FOXL1: variants seen among roughly 807,000 people sequenced by gnomAD.
FOXL1 encodes the protein forkhead box protein L1.
A neutral mutation model predicts 1.7 loss-of-function variants in FOXL1; 2 were observed. The ratio of observed to expected loss-of-function variants is 1.21; its 90% CI spans 0.49 to 3.80. FOXL1 has a LOEUF of 3.80. FOXL1 is among the 30% of genes most tolerant of loss of function. FOXL1 has a pLI of 0.07. For synonymous variants in FOXL1, 280 were observed against 229.3 expected, an observed-to-expected ratio of 1.22 and a Z score of -2.00; for missense variants, 565 against 495.8, an observed-to-expected ratio of 1.14 and a Z score of -1.32.
chr16:86,579,761 A>G lies in FOXL1; in HGVS notation c.1038A>G (p.Ter346=). ...CCGACACGGTACTCCACTTCCAGTA[A>G]AGCAAACAATGGCACGGTTCTTCTC... ...QVPDTVLHFQ[*] is the part of the protein sequence containing the mutation. Residue 346 remains the stop codon, a stop_retained_variant, in exon 1 of 1, where the codon TAA becomes TAG. Coordinates refer to ENST00000320241, the MANE Select transcript of FOXL1 (RefSeq NM_005250.3). 1 of 1,611,546 alleles carries G rather than the reference A, an allele frequency of 6.2e-7. No homozygotes were observed. The highest frequency in any genetic ancestry group is 8.5e-7 in the Non-Finnish European group (1 of 1,178,462).
chr16:86,579,397 C>T lies in FOXL1; in HGVS notation c.674C>T (p.Ala225Val), dbSNP rs1458133766. ...GACGCTGGTGACGCTGCCCAGGGCG[C>T]AGCGGCCGTGGCGGTCGGCCAGGCA... is the stretch of plus-strand genomic sequence containing the variant. The part of the protein sequence containing the change: ...NEDAGDAAQG[A>V]AAVAVGQAAR... Residue 225 changes from alanine (A) to valine (V), a missense_variant, in exon 1 of 1, where the codon GCA (alanine) becomes GTA (valine). By Grantham distance (64) the Ala-to-Val change is moderately conservative (BLOSUM62 0). Coordinates refer to ENST00000320241, the MANE Select transcript of FOXL1 (RefSeq NM_005250.3). The T allele has an allele frequency of 3.3e-6, 5 of 1,524,334 alleles. No homozygotes were observed. Among genetic ancestry groups the T allele is most frequent in the African/African-American group, 2.8e-5 (2 of 72,076 alleles). The allele number at this position is 1,524,334 out of a possible 1,614,324, so 94.4% of individuals were successfully genotyped here.
Position 86,579,365 on chromosome 16 carries a change from G to T in FOXL1, c.642G>T (p.Pro214=), listed in dbSNP as rs1375747479. 6.7e-7 allele frequency: 1 copy of T among 1,490,868 alleles called. No individual in the cohort carries two copies. The allele number at this position is 1,490,868 out of a possible 1,614,324, so 92.4% of individuals were successfully genotyped here. ...APLHWPGTAS[P]NEDAGDAAQG... is the part of the protein sequence containing the mutation. ...TCCACTGGCCGGGGACCGCGTCCCC[G>T]AACGAGGACGCTGGTGACGCTGCCC... Residue 214 remains proline (P), a synonymous_variant, in exon 1 of 1, where the codon CCG becomes CCT. Coordinates refer to ENST00000320241, the MANE Select transcript of FOXL1 (RefSeq NM_005250.3).
chr16:86,578,717 G>A lies in FOXL1; in HGVS notation c.-7G>A, dbSNP rs1974369779. On this transcript the variant is annotated 5_prime_UTR_variant, in exon 1 of 1. Coordinates refer to ENST00000320241, the MANE Select transcript of FOXL1 (RefSeq NM_005250.3). ...TGCGGGGAGCGCAGCGCAGGCTCTC[G>A]CTTGCCATGAGTCACCTCTTCGATC... 2.5e-6 allele frequency: 4 copies of A among 1,595,054 alleles called. No individual in the cohort carries two copies. The highest frequency in any genetic ancestry group is 3.4e-6 in the Non-Finnish European group (4 of 1,167,698).
In FOXL1 at chr16:86,579,764, C is replaced by A. The variant is rs1248464377; in HGVS notation, c.*3C>A. 7 of 1,610,338 alleles carry A rather than the reference C, an allele frequency of 4.3e-6. No homozygotes were observed. The highest frequency in any genetic ancestry group is 5.9e-6 in the Non-Finnish European group (7 of 1,177,512). On this transcript the variant is annotated 3_prime_UTR_variant, in exon 1 of 1. Transcript: ENST00000320241. ...ACACGGTACTCCACTTCCAGTAAAGCAAACAATGGCACGGTTCTTCTCCCG... is the reference window on the plus strand; with the variant it reads ...ACACGGTACTCCACTTCCAGTAAAGAAAACAATGGCACGGTTCTTCTCCCG...
rs1597407169 is a variant in FOXL1 at position 86,581,612 on chromosome 16, A to G, written c.*1851A>G. 1 of 167,230 alleles carries G rather than the reference A, an allele frequency of 6.0e-6. No individual in the cohort carries two copies. 10.4% of individuals were successfully genotyped at this position (167,230 alleles called of 1,614,324 possible). A position where few individuals can be genotyped will look rare whatever the true frequency, so the allele number is the denominator to read the frequency against. Reference sequence around the variant, plus strand: ...TCCAGGCTCACTGTGATTCACTGAAAATGTAGCGAAAGGGCTGTCACTGGA... The same window carrying G: ...TCCAGGCTCACTGTGATTCACTGAAGATGTAGCGAAAGGGCTGTCACTGGA... On this transcript the variant is annotated 3_prime_UTR_variant, in exon 1 of 1. Transcript: ENST00000320241.
Position 86,582,339 on chromosome 16 carries a change from T to C in FOXL1, c.*2578T>C, listed in dbSNP as rs2144037163. Among the ~76,000 whole-genome samples, 1 of 152,328 alleles carries C rather than the reference T, an allele frequency of 6.6e-6. No individual in the cohort carries two copies. Among genetic ancestry groups the C allele is most frequent in the East Asian group, 1.9e-4 (1 of 5,184 alleles). ...TCGTTGGCTCAAAATTATGGCTCAA[T>C]AAGGTCAATAGTTTCTGCTCTTAAT... On this transcript the variant is annotated 3_prime_UTR_variant, in exon 1 of 1. Transcript: ENST00000320241.
chr16:86,582,068 G>C lies in FOXL1; in HGVS notation c.*2307G>C, dbSNP rs1285999366. ...TAAAGTTACTATTCCAAAAAGTATTGTACGAATGTTACTTTTATGACACAG... is the reference window on the plus strand; with the variant it reads ...TAAAGTTACTATTCCAAAAAGTATTCTACGAATGTTACTTTTATGACACAG... On this transcript the variant is annotated 3_prime_UTR_variant, in exon 1 of 1. Transcript: ENST00000320241. 1.3e-5 allele frequency: 2 copies of C among 152,102 alleles called. No homozygotes were observed. The highest frequency in any genetic ancestry group is 2.4e-5 in the African/African-American group (1 of 41,380). The allele number at this position is 152,102 out of a possible 1,614,324, so 9.4% of individuals were successfully genotyped here.
At position 86,579,715 on chromosome 16, in the gene FOXL1, C is replaced by G. The variant is rs752797610; in HGVS notation, c.992C>G (p.Ser331Cys). The G allele has an allele frequency of 1.2e-6, 2 of 1,613,828 alleles. No homozygotes were observed. The highest frequency in any genetic ancestry group is 1.7e-5 in the Admixed American group (1 of 60,028). Reference protein sequence around the residue: ...GFYQLGIPFLSYFPLQVPDTV... With the variant: ...GFYQLGIPFLCYFPLQVPDTV... ...TACCAGCTCGGGATCCCCTTCCTCTCTTATTTCCCCCTGCAGGTTCCCGAC... is the reference window on the plus strand; with the variant it reads ...TACCAGCTCGGGATCCCCTTCCTCTGTTATTTCCCCCTGCAGGTTCCCGAC... Residue 331 changes from serine to cysteine, a missense_variant, in exon 1 of 1, where the codon TCT (serine) becomes TGT (cysteine). Coordinates refer to ENST00000320241, the MANE Select transcript of FOXL1 (RefSeq NM_005250.3).
chr16:86,578,792 C>G lies in FOXL1; in HGVS notation c.69C>G (p.Pro23=). The G allele has an allele frequency of 3.7e-6, 6 of 1,613,360 alleles. No individual in the cohort carries two copies. The highest frequency in any genetic ancestry group is 5.1e-6 in the Non-Finnish European group (6 of 1,179,898). ...CGCCCATGCTGTATCTGTACGGTCCCGAGAGACCCGGCCTCCCTCTGGCCT... is the reference window on the plus strand; with the variant it reads ...CGCCCATGCTGTATCTGTACGGTCCGGAGAGACCCGGCCTCCCTCTGGCCT... ...AASPMLYLYG[P]ERPGLPLAFA... Residue 23 remains proline, a synonymous_variant, in exon 1 of 1, where the codon CCC becomes CCG. Transcript: ENST00000320241.
rs756015839 is a variant in FOXL1, at chr16:86,578,825, C to T, written c.102C>T (p.Pro34=). The change falls in exon 1 of 1, where the codon CCC becomes CCT. Residue 34 remains proline, a synonymous_variant. Transcript: ENST00000320241. ...ERPGLPLAFA[P]AAALAASGRA... ...CCGGCCTCCCTCTGGCCTTCGCCCCCGCGGCTGCTCTAGCTGCCTCGGGCC... is the reference window on the plus strand; with the variant it reads ...CCGGCCTCCCTCTGGCCTTCGCCCCTGCGGCTGCTCTAGCTGCCTCGGGCC... 3.1e-6 allele frequency: 5 copies of T among 1,613,682 alleles called. No individual in the cohort carries two copies. Among genetic ancestry groups the T allele is most frequent in the East Asian group, 2.2e-5 (1 of 44,868 alleles).
At position 86,579,277 on chromosome 16, in the gene FOXL1, G is replaced by A; in HGVS notation, c.554G>A (p.Arg185His). Residue 185 changes from arginine (R) to histidine (H), a missense_variant, in exon 1 of 1, where the codon CGC (arginine) becomes CAC (histidine). Arg to His is a conservative substitution (Grantham distance 29, BLOSUM62 0). Coordinates refer to ENST00000320241, the MANE Select transcript of FOXL1 (RefSeq NM_005250.3). The stretch of plus-strand genomic sequence containing the variant: ...GGGGGCTCGGGCCCCGCAATCTCCC[G>A]CCTGCAGGCAGCGCCCGCGGGCCCC... ...GAGGSGPAISRLQAAPAGPSP... is the reference protein window; with the variant it reads ...GAGGSGPAISHLQAAPAGPSP... 1.3e-6 allele frequency: 1 copy of A among 744,662 alleles called. No individual in the cohort carries two copies. The highest frequency in any genetic ancestry group is 1.8e-6 in the Non-Finnish European group (1 of 543,444). The allele number at this position is 744,662 out of a possible 1,614,324, so 46.1% of individuals were successfully genotyped here. A position where few individuals can be genotyped will look rare whatever the true frequency, so the allele number is the denominator to read the frequency against.
In FOXL1 at chr16:86,579,935, G is replaced by A. The variant is rs971761350; in HGVS notation, c.*174G>A. ...GTGGGCGCGCTCGCCTGCCTTCTCC[G>A]AAGCAAACTTTTCCCAGCAACTGGG... is the stretch of plus-strand genomic sequence containing the variant. On this transcript the variant is annotated 3_prime_UTR_variant, in exon 1 of 1. Coordinates refer to ENST00000320241, the MANE Select transcript of FOXL1 (RefSeq NM_005250.3). The A allele has an allele frequency of 7.6e-6, 5 of 659,870 alleles. No individual in the cohort carries two copies. The highest frequency in any genetic ancestry group is 5.5e-5 in the African/African-American group (3 of 54,710). The allele number at this position is 659,870 out of a possible 1,614,324, so 40.9% of individuals were successfully genotyped here.
Position 86,579,200 on chromosome 16 carries a change from C to G in FOXL1, c.477C>G (p.Ala159=). ...CCCCGGAGGCCAAGAGGCCCCGCGC[C>G]GAGACGCACCAGCGCAGCGCGGAGG... ...PGAPEAKRPR[A]ETHQRSAEAQ... is the part of the protein sequence containing the mutation. Residue 159 remains alanine, a synonymous_variant, in exon 1 of 1, where the codon GCC becomes GCG. Transcript: ENST00000320241. 6.3e-7 allele frequency: 1 copy of G among 1,587,158 alleles called. No individual in the cohort carries two copies. Among genetic ancestry groups the G allele is most frequent in the African/African-American group, 1.3e-5 (1 of 74,430 alleles).
In FOXL1 at chr16:86,579,368, C is replaced by G. The variant is rs999412542; in HGVS notation, c.645C>G (p.Asn215Lys). Residue 215 changes from asparagine to lysine, a missense_variant, in exon 1 of 1, where the codon AAC becomes AAG. Coordinates refer to ENST00000320241, the MANE Select transcript of FOXL1 (RefSeq NM_005250.3). ...PLHWPGTASP[N>K]EDAGDAAQGA... ...ACTGGCCGGGGACCGCGTCCCCGAA[C>G]GAGGACGCTGGTGACGCTGCCCAGG... 6.7e-7 allele frequency: 1 copy of G among 1,500,090 alleles called. No homozygotes were observed. Among genetic ancestry groups the G allele is most frequent in the South Asian group, 1.3e-5 (1 of 78,956 alleles). 92.9% of individuals were successfully genotyped at this position (1,500,090 alleles called of 1,614,324 possible). A position where few individuals can be genotyped will look rare whatever the true frequency, so the allele number is the denominator to read the frequency against.
chr16:86,579,401 G>A lies in FOXL1; in HGVS notation c.678G>A (p.Ala226=), dbSNP rs991830798. ...CTGGTGACGCTGCCCAGGGCGCAGC[G>A]GCCGTGGCGGTCGGCCAGGCAGCGC... ...EDAGDAAQGA[A]AVAVGQAART... is the part of the protein sequence containing the mutation. Residue 226 remains alanine (A), a synonymous_variant, in exon 1 of 1, where the codon GCG becomes GCA. Transcript: ENST00000320241. The A allele has an allele frequency of 2.2e-5, 34 of 1,525,546 alleles. No homozygotes were observed. The highest frequency in any genetic ancestry group is 2.9e-5 in the Non-Finnish European group (33 of 1,139,738). 94.5% of individuals were successfully genotyped at this position (1,525,546 alleles called of 1,614,324 possible).
rs764468898 is a variant in FOXL1 at position 86,578,809 on chromosome 16, C to T, written c.86C>T (p.Pro29Leu). ...YLYGPERPGL[P>L]LAFAPAAALA... Reference sequence around the variant, plus strand: ...TACGGTCCCGAGAGACCCGGCCTCCCTCTGGCCTTCGCCCCCGCGGCTGCT... The same window carrying T: ...TACGGTCCCGAGAGACCCGGCCTCCTTCTGGCCTTCGCCCCCGCGGCTGCT... Residue 29 changes from proline (P) to leucine (L), a missense_variant, in exon 1 of 1, where the codon CCT becomes CTT. Coordinates refer to ENST00000320241, the MANE Select transcript of FOXL1 (RefSeq NM_005250.3). 2 of 1,613,604 alleles carry T rather than the reference C, an allele frequency of 1.2e-6. No individual in the cohort carries two copies. Among genetic ancestry groups the T allele is most frequent in the Non-Finnish European group, 1.7e-6 (2 of 1,179,948 alleles).
Position 86,581,044 on chromosome 16 carries a change from A to C in FOXL1, c.*1283A>C, listed in dbSNP as rs942735626. On this transcript the variant is annotated 3_prime_UTR_variant, in exon 1 of 1. Coordinates refer to ENST00000320241, the MANE Select transcript of FOXL1 (RefSeq NM_005250.3). ...AGGCCTGGAGGCTGATACTAAATCA[A>C]AACCTTAAAGAGGTGACTGGCAGTC... 1 of 167,102 alleles carries C rather than the reference A, an allele frequency of 6.0e-6. No homozygotes were observed. Among genetic ancestry groups the C allele is most frequent in the African/African-American group, 2.4e-5 (1 of 41,454 alleles). 10.4% of individuals were successfully genotyped at this position (167,102 alleles called of 1,614,324 possible). A position where few individuals can be genotyped will look rare whatever the true frequency, so the allele number is the denominator to read the frequency against.
Position 86,580,651 on chromosome 16 carries a change from A to T in FOXL1, c.*890A>T. ...GTCCTATCCTTTTGCTTTTGTTTTT[A>T]AGGGATCAAAATATTTCAAGGGATA... On this transcript the variant is annotated 3_prime_UTR_variant, in exon 1 of 1. Coordinates refer to ENST00000320241, the MANE Select transcript of FOXL1 (RefSeq NM_005250.3). 6.0e-6 allele frequency: 1 copy of T among 167,004 alleles called. No individual in the cohort carries two copies. The highest frequency in any genetic ancestry group is 1.5e-5 in the Non-Finnish European group (1 of 68,102). 10.3% of individuals were successfully genotyped at this position (167,004 alleles called of 1,614,324 possible).
chr16:86,579,045 G>C lies in FOXL1; in HGVS notation c.322G>C (p.Val108Leu). 5.0e-6 allele frequency: 8 copies of C among 1,614,054 alleles called. No individual in the cohort carries two copies. The highest frequency in any genetic ancestry group is 6.8e-6 in the Non-Finnish European group (8 of 1,179,964). The change falls in exon 1 of 1, where the codon GTC becomes CTC. Residue 108 changes from valine (V) to leucine (L), a missense_variant. Transcript: ENST00000320241. The stretch of plus-strand genomic sequence containing the variant: ...CAACCTCTCGCTCAACGACTGCTTC[G>C]TCAAGGTGCCCCGCGAGAAAGGGCG... Reference protein sequence around the residue: ...RHNLSLNDCFVKVPREKGRPG... With the variant: ...RHNLSLNDCFLKVPREKGRPG...
Sources: allele counts gnomAD v4.1 joint callset (sites outside exome capture counted in the v4.1 genomes callset), GRCh38; gene constraint gnomAD v4.1.1; transcripts MANE v1.5; gene names NCBI Gene and HGNC (gene_info 2026-07-23, HGNC 2026-07-21).